Variants in CCDC60 observed in about 807,000 individuals in gnomAD.
The protein encoded by CCDC60 is coiled-coil domain containing 60.
Under a neutral mutation model 63.5 loss-of-function variants are expected in CCDC60, and 54 were observed. The ratio of observed to expected loss-of-function variants is 0.85; its 90% confidence interval spans 0.68 to 1.07. CCDC60 has a LOEUF of 1.07. CCDC60 is among the 50% of genes least tolerant of loss of function. CCDC60 has a pLI of 0.00. For synonymous variants in CCDC60, 206 were observed against 238.8 expected (o/e 0.86, Z 1.27); for missense variants, 651 against 684.3 (o/e 0.95, Z 0.54).
intron 7 of CCDC60, among the ~76,000 whole-genome samples, chr12:119,506,288 G>A (rs1324908469): frequency 1.3e-5 from 2 of 151,940 alleles, no homozygotes; most frequent in South Asian, 2.1e-4. Flanking sequence ...CTCAAAATAT[G>A]AGGGAGACAA....
At chr12:119,523,645 G>T (rs769696302) in intron 10 of CCDC60, 48 bp from the exon 11 acceptor site, 1 of 1,608,424 alleles carries the variant, frequency 6.2e-7, no homozygotes. Flanking sequence ...GTTACTAGGG[G>T]ACATCCCTGG....
At chr12:119,367,527 C>T (rs1174448126) in intron 1 of CCDC60, among the ~76,000 whole-genome samples, 1 of 152,094 alleles carries the variant, frequency 6.6e-6, no homozygotes, top group Admixed American at 6.6e-5. Flanking sequence ...TGTTTGTGTG[C>T]CTGAGTTATG....
chr12:119,510,721 A>G (rs1216583176), intron 7 of CCDC60, among the ~76,000 whole-genome samples: 1 of 152,100 alleles, frequency 6.6e-6, no homozygotes, highest in African/African-American at 2.4e-5. Context: ...GTCATCCTTA[A>G]CATCACTTCA....
intron 7 of CCDC60, among the ~76,000 whole-genome samples, chr12:119,505,595 C>G (rs1951977449): frequency 6.6e-6 from 1 of 152,238 alleles, no homozygotes; most frequent in South Asian, 2.1e-4. Flanking sequence ...GTGGCTCATG[C>G]CTGTAATCCC....
intron 1 of CCDC60, among the ~76,000 whole-genome samples, chr12:119,385,422 C>T (rs971208765): frequency 3.9e-5 from 6 of 152,092 alleles, no homozygotes; most frequent in African/African-American, 1.4e-4. Context: ...GGGGCAGTTT[C>T]CCCCGTACTG....
chr12:119,515,026 G>C (rs1952318403), intron 7 of CCDC60, among the ~76,000 whole-genome samples: 1 of 152,202 alleles, frequency 6.6e-6, no homozygotes, highest in African/African-American at 2.4e-5. Flanking sequence ...TATATACCAG[G>C]TGTATAGTAA....
At chr12:119,359,989 C>A (rs996434463) in intron 1 of CCDC60, among the ~76,000 whole-genome samples, 5 of 152,124 alleles carry the variant, frequency 3.3e-5, no homozygotes, top group Non-Finnish European at 4.4e-5. Flanking sequence ...CACCTTTCCC[C>A]CCTTTCTATT....
At chr12:119,446,325 T>C (rs532748630) in intron 2 of CCDC60, among the ~76,000 whole-genome samples, 1 of 152,330 alleles carries the variant, frequency 6.6e-6, no homozygotes, top group African/African-American at 2.4e-5. Context: ...GAAGGTCTAC[T>C]ATTACACAAG....
chr12:119,469,505 C>T (rs552423583), intron 2 of CCDC60, among the ~76,000 whole-genome samples: 1 of 152,126 alleles, frequency 6.6e-6, no homozygotes, highest in Non-Finnish European at 1.5e-5. Context: ...AGTGATCCAC[C>T]CGCCCCGGCC....
At chr12:119,437,725 T>C (rs1950354456) in intron 2 of CCDC60, among the ~76,000 whole-genome samples, 1 of 152,212 alleles carries the variant, frequency 6.6e-6, no homozygotes, top group South Asian at 2.1e-4. Flanking sequence ...CATTTAGAAG[T>C]TCAACCCTGG....
chr12:119,372,748 A>T (rs1276156894), intron 1 of CCDC60, among the ~76,000 whole-genome samples: 2 of 152,180 alleles, frequency 1.3e-5, no homozygotes, highest in Admixed American at 1.3e-4. Flanking sequence ...TGCATAACCC[A>T]CTAAACAAGC....
At chr12:119,368,007 G>A (rs1397439218) in intron 1 of CCDC60, among the ~76,000 whole-genome samples, 1 of 150,956 alleles carries the variant, frequency 6.6e-6, no homozygotes. Flanking sequence ...CTTTAAATGG[G>A]TGAATTGTAT....
intron 1 of CCDC60, among the ~76,000 whole-genome samples, chr12:119,353,084 GGGTTA>G (rs1446571078): frequency 6.6e-6 from 1 of 152,102 alleles, no homozygotes; most frequent in Non-Finnish European, 1.5e-5. Flanking sequence ...GGGGGTGAGG[GGGTTA>G]TGACACTGTT....
rs190509203 is a variant in CCDC60 at position 119,472,349 on chromosome 12, G to A, written c.341+185G>A. Among the ~76,000 whole-genome samples, 163 of 152,162 alleles carry A rather than the reference G, an allele frequency of 1.1e-3. 1 individual carries two copies. Among genetic ancestry groups the A allele is most frequent in the Non-Finnish European group, 1.2e-4 (8 of 68,000 alleles). Reference sequence around the variant, plus strand: ...TAGCCTCGCTTTCTGGTATTCGCTGGAACATCTTCCACTTATCACTAACCA... The same window carrying A: ...TAGCCTCGCTTTCTGGTATTCGCTGAAACATCTTCCACTTATCACTAACCA... On this transcript the variant is annotated intron_variant, in intron 3 of 13. Coordinates refer to ENST00000327554, the MANE Select transcript of CCDC60 (RefSeq NM_178499.5).
chr12:119,425,956 C>T (rs954702746), intron 1 of CCDC60, among the ~76,000 whole-genome samples: 2 of 152,190 alleles, frequency 1.3e-5, no homozygotes, highest in Non-Finnish European at 2.9e-5. Context: ...AAGGGCCTAA[C>T]CAGGGAACTA....
At chr12:119,508,102 T>C (rs1593191116) in intron 7 of CCDC60, among the ~76,000 whole-genome samples, 1 of 151,752 alleles carries the variant, frequency 6.6e-6, no homozygotes, top group East Asian at 2.0e-4. Flanking sequence ...GTCCAGGATT[T>C]CAAGATTGCA....
chr12:119,344,729 G>C (rs1344524897), intron 1 of CCDC60, among the ~76,000 whole-genome samples: 2 of 152,016 alleles, frequency 1.3e-5, no homozygotes, highest in Non-Finnish European at 2.9e-5. Flanking sequence ...AGGTTCTTCA[G>C]CCTCATCTTT....
chr12:119,458,566 G>A (rs1432328682), intron 2 of CCDC60, among the ~76,000 whole-genome samples: 3 of 152,096 alleles, frequency 2.0e-5, no homozygotes, highest in African/African-American at 7.2e-5. Flanking sequence ...TCAATACTCT[G>A]CAATTTCTTG....
intron 2 of CCDC60, among the ~76,000 whole-genome samples, chr12:119,467,246 C>T (rs184896265): frequency 1.3e-5 from 2 of 152,352 alleles, no homozygotes; most frequent in African/African-American, 4.8e-5. Context: ...GCCAAGCACC[C>T]TCCTAGGCTA....
Sources: gnomAD v4.1 joint callset for allele counts (sites outside exome capture counted in the v4.1 genomes callset) on GRCh38, gnomAD v4.1.1 for gene constraint, MANE v1.5 for transcripts, NCBI Gene and HGNC (gene_info 2026-07-23, HGNC 2026-07-21) for gene names.